Variants in JAK1 observed in about 807,000 individuals in gnomAD.
JAK1 encodes Janus kinase 1.
In JAK1, 16 loss-of-function variants were observed where a neutral mutation model predicts 136.6. That is an observed-to-expected ratio of 0.12 (90% CI 0.08 to 0.18). The LOEUF (loss-of-function observed/expected upper bound fraction) is 0.18, where lower values mean the gene tolerates loss of function less well. JAK1 is among the 10% of genes least tolerant of loss of function. The pLI is 1.00. For missense variants in JAK1, 859 were observed against 1,450.1 expected, an observed-to-expected ratio of 0.59 and a Z score of 6.62; for synonymous variants, 492 against 519.5, an observed-to-expected ratio of 0.95 and a Z score of 0.72.
chr1:64,899,246 T>C (rs1039965195), intron 1 of JAK1, among the ~76,000 whole-genome samples: 8 of 152,178 alleles, frequency 5.3e-5, no homozygotes, highest in African/African-American at 1.9e-4. Context: ...TGGAAACAAC[T>C]AATGGAAAAA....
chr1:64,909,378 G>A (rs1645243851), intron 1 of JAK1, among the ~76,000 whole-genome samples: 1 of 152,132 alleles, frequency 6.6e-6, no homozygotes, highest in Admixed American at 6.5e-5. Context: ...AGATGATGTG[G>A]AAAGGAAACT....
intron 2 of JAK1, chr1:64,985,310 T>A: frequency 6.2e-7 from 1 of 1,610,540 alleles, no homozygotes; most frequent in Non-Finnish European, 8.5e-7. Context: ...AGCTGGATAC[T>A]CTAAAGAGCT....
At position 64,835,518 on chromosome 1, in the gene JAK1, A is replaced by C; in HGVS notation, c.3259-12T>G. On this transcript the variant is annotated splice_polypyrimidine_tract_variant and intron_variant, in intron 23 of 24. Coordinates refer to ENST00000342505, the MANE Select transcript of JAK1 (RefSeq NM_002227.4). ...ATTTTCAGGAACAACTATATAAAAT[A>C]AAATCAAACAAAACGTTTAACTTTG... 1 of 1,453,098 alleles carries C rather than the reference A, an allele frequency of 6.9e-7. No individual in the cohort carries two copies. The highest frequency in any genetic ancestry group is 9.5e-7 in the Non-Finnish European group (1 of 1,050,502). The allele number at this position is 1,453,098 out of a possible 1,614,324, so 90.0% of individuals were successfully genotyped here. A position where few individuals can be genotyped will look rare whatever the true frequency, so the allele number is the denominator to read the frequency against.
chr1:64,860,862 T>TGTGTGTGTGTGTGTGTGTG (rs1557642271), intron 8 of JAK1, among the ~76,000 whole-genome samples: 7 of 79,892 alleles, frequency 8.8e-5, no homozygotes, highest in Non-Finnish European at 1.1e-4. Flanking sequence ...GTGTGTGTGT[T>TGTGTGTGTGTGTGTGTGTG]GGGGGTGACG....
At chr1:64,883,877 T>C (rs1352240769) in intron 2 of JAK1, among the ~76,000 whole-genome samples, 1 of 152,192 alleles carries the variant, frequency 6.6e-6, no homozygotes, top group Non-Finnish European at 1.5e-5. Flanking sequence ...TGCTGCTGTT[T>C]CTACTGGAAT....
intron 1 of JAK1, among the ~76,000 whole-genome samples, chr1:64,943,699 G>A (rs560129283): frequency 6.6e-6 from 1 of 152,050 alleles, no homozygotes; most frequent in Non-Finnish European, 1.5e-5. Flanking sequence ...ATAAAGAAAT[G>A]AGTGATTGAT....
chr1:64,969,495 C>G (rs186198948), upstream of JAK1, among the ~76,000 whole-genome samples: 23 of 151,666 alleles, frequency 1.5e-4, no homozygotes, highest in Middle Eastern at 0.014. Context: ...GGTGCAAAAT[C>G]ACACCCCACT....
chr1:64,933,947 T>C (rs1236011411), intron 1 of JAK1, among the ~76,000 whole-genome samples: 1 of 152,182 alleles, frequency 6.6e-6, no homozygotes, highest in Non-Finnish European at 1.5e-5. Flanking sequence ...TACATAAATA[T>C]GAGCATTCTC....
At chr1:64,902,105 G>T (rs1046532331) in intron 1 of JAK1, among the ~76,000 whole-genome samples, 1 of 152,160 alleles carries the variant, frequency 6.6e-6, no homozygotes, top group Non-Finnish European at 1.5e-5. Flanking sequence ...CTTTATCACA[G>T]TTTTCTAATT....
At chr1:64,956,581 A>C (rs1646192053) in intron 1 of JAK1, among the ~76,000 whole-genome samples, 1 of 152,320 alleles carries the variant, frequency 6.6e-6, no homozygotes, top group East Asian at 1.9e-4. Flanking sequence ...TATTGCACTT[A>C]TCACCACCTG....
At chr1:64,893,133 C>A (rs1644964435) in intron 1 of JAK1, among the ~76,000 whole-genome samples, 2 of 151,906 alleles carry the variant, frequency 1.3e-5, no homozygotes. Context: ...AAAGGTACAG[C>A]TGTTCTTTAA....
At chr1:64,869,776 G>A (rs1328867528) in intron 5 of JAK1, among the ~76,000 whole-genome samples, 1 of 152,192 alleles carries the variant, frequency 6.6e-6, no homozygotes. Flanking sequence ...TGTGTACTAG[G>A]CCTGGACTGC....
chr1:64,907,289 T>C (rs1645205508), intron 1 of JAK1, among the ~76,000 whole-genome samples: 1 of 152,186 alleles, frequency 6.6e-6, no homozygotes, highest in Non-Finnish European at 1.5e-5. Context: ...GGAATAGCTA[T>C]TAGAAAATGA....
chr1:64,856,370 C>T (rs1332882997), intron 10 of JAK1, among the ~76,000 whole-genome samples: 2 of 152,176 alleles, frequency 1.3e-5, no homozygotes, highest in African/African-American at 2.4e-5. Flanking sequence ...ATCTCAGTTA[C>T]TTCATCTGTA....
intron 1 of JAK1, among the ~76,000 whole-genome samples, chr1:64,886,780 AC>A (rs1456959029): frequency 0.011 from 1,658 of 147,858 alleles, 28 homozygotes; most frequent in African/African-American, 0.04. Context: ...ACACACACAC[AC>A]ACACACACAC....
At chr1:65,058,319 T>C in intron 1 of JAK1, 2 of 503,982 alleles carry the variant, frequency 4.0e-6, no homozygotes, top group East Asian at 5.7e-5. Context: ...GGGAGAAGTA[T>C]GACAGAGGTG....
chr1:64,858,354 T>A (rs973488943), intron 9 of JAK1, among the ~76,000 whole-genome samples: 2 of 152,136 alleles, frequency 1.3e-5, no homozygotes, highest in Non-Finnish European at 2.9e-5. Context: ...ATGAGGTGAG[T>A]GCTGCTTGCT....
In JAK1 at chr1:64,897,642, C is replaced by A. The variant is rs372303511; in HGVS notation, c.-77-11301G>T. Among the ~76,000 whole-genome samples, 35 of 146,576 alleles carry A rather than the reference C, an allele frequency of 2.4e-4. 9 individuals carry two copies. Among genetic ancestry groups the A allele is most frequent in the Admixed American group, 4.2e-4 (6 of 14,184 alleles). On this transcript the variant is annotated intron_variant, in intron 1 of 24. Transcript: ENST00000342505. ...GAAGACTAAACAGGTTTGTGTAGAA[C>A]CAAAAAAGATGAGGTAAGGAGGAAA... is the stretch of plus-strand genomic sequence containing the variant.
chr1:64,839,702 C>T lies in JAK1; in HGVS notation c.2743G>A (p.Gly915Arg), dbSNP rs778827938. 9 of 1,614,046 alleles carry T rather than the reference C, an allele frequency of 5.6e-6. No homozygotes were observed. Among genetic ancestry groups the T allele is most frequent in the Non-Finnish European group, 7.6e-6 (9 of 1,179,990 alleles). ...TTCAGATCAGCTATGTGGTTACCTC[C>T]ACTCTCAGGCTTCAGAGATTTAACA... ...VAVKSLKPES[G>R]GNHIADLKKE... The change falls in exon 20 of 25, where the codon GGA becomes AGA. Residue 915 changes from glycine (G) to arginine (R), a missense_variant. Coordinates refer to ENST00000342505, the MANE Select transcript of JAK1 (RefSeq NM_002227.4).
Sources: allele counts gnomAD v4.1 joint callset (sites outside exome capture counted in the v4.1 genomes callset), GRCh38; gene constraint gnomAD v4.1.1; transcripts MANE v1.5; gene names NCBI Gene and HGNC (gene_info 2026-07-23, HGNC 2026-07-21).